Variants in ENOX1 observed in about 807,000 individuals in gnomAD.
ENOX1 encodes ecto-NOX disulfide-thiol exchanger 1, also known as candidate growth-related and time keeping constitutive hydroquinone (NADH) oxidase.
A neutral mutation model predicts 82.5 loss-of-function variants in ENOX1; 42 were observed. The observed-to-expected ratio is 0.51, with a 90% confidence interval of 0.40 to 0.66. The LOEUF (loss-of-function observed/expected upper bound fraction) is 0.66, where lower values mean the gene tolerates loss of function less well. Ranked by LOEUF, ENOX1 falls within the 30% of genes least tolerant of loss-of-function variation. The pLI, the probability that ENOX1 is intolerant of heterozygous loss-of-function variation, is 0.00. For missense variants in ENOX1, 608 were observed against 811.6 expected (o/e 0.75, Z 3.05); for synonymous variants, 271 against 282.2 (o/e 0.96, Z 0.40).
intron 2 of ENOX1, among the ~76,000 whole-genome samples, chr13:43,538,111 C>G (rs1031622409): frequency 1.3e-5 from 2 of 152,248 alleles, no homozygotes; most frequent in Non-Finnish European, 2.9e-5. Flanking sequence ...TCTGATCAGG[C>G]TGCCTCTGAG....
intron 5 of ENOX1, among the ~76,000 whole-genome samples, chr13:43,364,766 T>G (rs943179330): frequency 1.3e-5 from 2 of 152,148 alleles, no homozygotes; most frequent in African/African-American, 4.8e-5. Flanking sequence ...GTAACAGTAG[T>G]AAGTTCCCCA....
At chr13:43,627,933 C>T (rs2083036672) in intron 2 of ENOX1, among the ~76,000 whole-genome samples, 1 of 151,918 alleles carries the variant, frequency 6.6e-6, no homozygotes, top group Non-Finnish European at 1.5e-5. Flanking sequence ...AAATATTGTG[C>T]CACTTTATTC....
intron 3 of ENOX1, among the ~76,000 whole-genome samples, chr13:43,483,116 AT>A (rs573544079): frequency 1.1e-3 from 161 of 152,362 alleles, no homozygotes; most frequent in African/African-American, 3.7e-3. Context: ...CGTGGACAGA[AT>A]AAAAGTACCA....
chr13:43,278,472 G>C (rs1264308111), intron 12 of ENOX1, among the ~76,000 whole-genome samples: 1 of 151,990 alleles, frequency 6.6e-6, no homozygotes, highest in Non-Finnish European at 1.5e-5. Context: ...CATCCCACAG[G>C]ACCACTCTGA....
At chr13:43,322,313 A>T in intron 11 of ENOX1, 71 bp downstream of exon 11, 2 of 1,190,036 alleles carry the variant, frequency 1.7e-6, no homozygotes, top group Non-Finnish European at 2.5e-6. Flanking sequence ...AGGGCCATTT[A>T]CTTATTCCCC....
At chr13:43,445,234 C>T (rs913224125) in intron 3 of ENOX1, among the ~76,000 whole-genome samples, 21 of 151,960 alleles carry the variant, frequency 1.4e-4, no homozygotes, top group African/African-American at 5.1e-4. Flanking sequence ...CACCATTCTC[C>T]TGCCTCAGCC....
chr13:43,570,248 GT>G (rs1566548262), intron 2 of ENOX1, among the ~76,000 whole-genome samples: 1 of 152,202 alleles, frequency 6.6e-6, no homozygotes, highest in African/African-American at 2.4e-5. Context: ...AAATTAGAGG[GT>G]TTGGGAAATC....
chr13:43,264,076 G>GAT (rs1034733837), intron 14 of ENOX1, among the ~76,000 whole-genome samples: 4 of 152,172 alleles, frequency 2.6e-5, no homozygotes, highest in South Asian at 2.1e-4. Flanking sequence ...AACCTTTCTT[G>GAT]ATTATCTAGC....
At chr13:43,272,017 AT>A (rs968310471) in intron 12 of ENOX1, among the ~76,000 whole-genome samples, 4 of 152,066 alleles carry the variant, frequency 2.6e-5, no homozygotes, top group African/African-American at 7.2e-5. Flanking sequence ...AATCTAATAG[AT>A]TTTCCCCTTT....
At chr13:43,445,836 G>A (rs1252889589) in intron 3 of ENOX1, among the ~76,000 whole-genome samples, 1 of 152,172 alleles carries the variant, frequency 6.6e-6, no homozygotes, top group Non-Finnish European at 1.5e-5. Flanking sequence ...GAGATTCTGG[G>A]TGTGACGCAA....
At chr13:43,304,120 C>G (rs893657807) in intron 11 of ENOX1, among the ~76,000 whole-genome samples, 1 of 152,228 alleles carries the variant, frequency 6.6e-6, no homozygotes, top group Non-Finnish European at 1.5e-5. Flanking sequence ...ATGAGCTCAG[C>G]TTGCCCCGTG....
chr13:43,725,255 T>C (rs2088860700), intron 1 of ENOX1, among the ~76,000 whole-genome samples: 1 of 152,166 alleles, frequency 6.6e-6, no homozygotes, highest in African/African-American at 2.4e-5. Flanking sequence ...CCCTTCCCAC[T>C]GGTTGAGCAA....
intron 1 of ENOX1, among the ~76,000 whole-genome samples, chr13:43,673,570 A>G (rs1473088775): frequency 6.6e-6 from 1 of 152,268 alleles, no homozygotes; most frequent in Non-Finnish European, 1.5e-5. Context: ...AAAGTCTGTT[A>G]GCCTAAGAGA....
intron 14 of ENOX1, among the ~76,000 whole-genome samples, chr13:43,247,723 C>G (rs2043152324): frequency 6.8e-6 from 1 of 147,242 alleles, no homozygotes; most frequent in Admixed American, 6.9e-5. Context: ...CTGCCTTTCA[C>G]CCTCAAAGAC....
At chr13:43,440,446 C>A (rs945164626) in intron 3 of ENOX1, among the ~76,000 whole-genome samples, 4 of 152,146 alleles carry the variant, frequency 2.6e-5, no homozygotes, top group Admixed American at 2.6e-4. Context: ...CTGCTTACTA[C>A]AATATGTAGG....
At chr13:43,348,712 A>T (rs561780637) in intron 8 of ENOX1, among the ~76,000 whole-genome samples, 1 of 152,348 alleles carries the variant, frequency 6.6e-6, no homozygotes, top group East Asian at 1.9e-4. Context: ...TATCAGATCC[A>T]CTGTAATGGT....
chr13:43,487,452 T>C (rs886962384), intron 2 of ENOX1, among the ~76,000 whole-genome samples: 10 of 152,194 alleles, frequency 6.6e-5, no homozygotes, highest in Non-Finnish European at 1.5e-5. Context: ...AATTAGACAT[T>C]ATTTTCCAGG....
intron 5 of ENOX1, among the ~76,000 whole-genome samples, chr13:43,384,703 C>T (rs527415004): frequency 6.6e-5 from 10 of 152,312 alleles, no homozygotes; most frequent in African/African-American, 2.4e-4. Flanking sequence ...TGTCAGGAGG[C>T]AGAGTTTCCA....
chr13:43,340,937 A>G (rs368674671), intron 9 of ENOX1, among the ~76,000 whole-genome samples: 1 of 152,196 alleles, frequency 6.6e-6, no homozygotes. Flanking sequence ...TGCCTGCTAT[A>G]ATAACTAAAA....
Sources: allele counts gnomAD v4.1 joint callset (sites outside exome capture counted in the v4.1 genomes callset), GRCh38; gene constraint gnomAD v4.1.1; transcripts MANE v1.5; gene names NCBI Gene and HGNC (gene_info 2026-07-23, HGNC 2026-07-21).